Variants in FCSK observed in about 807,000 individuals in gnomAD.
The protein encoded by FCSK is fucose kinase, also known as L-fucose kinase.
FCSK carries 123 observed loss-of-function variants against 122.5 expected under a neutral mutation model. The observed-to-expected ratio is 1.00, with a 90% CI of 0.87 to 1.17. The LOEUF is 1.17. FCSK is among the 50% of genes most tolerant of loss of function. FCSK has a pLI of 0.00. For missense variants in FCSK, 1,366 were observed against 1,450.4 expected (o/e 0.94, Z 0.95); for synonymous variants, 620 against 625.5 (o/e 0.99, Z 0.13).
intron 2 of FCSK, 89 bp downstream of exon 2, chr16:70,463,361 A>T (rs192346978): frequency 2.3e-5 from 27 of 1,174,076 alleles, no homozygotes; most frequent in Non-Finnish European, 3.4e-5. Context: ...TGCCAGGCCA[A>T]CCTGGGTTCA....
chr16:70,472,682 C>T, intron 14 of FCSK, 77 bp downstream of exon 14: 18 of 1,219,416 alleles, frequency 1.5e-5, no homozygotes, highest in Non-Finnish European at 2.0e-5. Context: ...GTGTCCCTCC[C>T]CTGCCCCAGA....
At chr16:70,456,477 C>T (rs1483302628) in intron 1 of FCSK, among the ~76,000 whole-genome samples, 1 of 152,134 alleles carries the variant, frequency 6.6e-6, no homozygotes, top group African/African-American at 2.4e-5. Context: ...TTGCTTGATT[C>T]CCGAGGCCTT....
Position 70,470,387 on chromosome 16 carries a change from C to T in FCSK, c.1029C>T (p.Pro343=), listed in dbSNP as rs756361741. The change falls in exon 11 of 24, where the codon CCC becomes CCT. Residue 343 remains proline, a synonymous_variant. Transcript: ENST00000288078. ...AGTTCCTGCTCAGCCTCACACTCCC[C>T]GGGGCTCCTGGGGCCCAGATTGTGC... ...ASEFLLSLTL[P]GAPGAQIVHS... 3.5e-5 allele frequency: 56 copies of T among 1,613,598 alleles called. No homozygotes were observed. Among genetic ancestry groups the T allele is most frequent in the African/African-American group, 9.3e-5 (7 of 74,928 alleles).
Position 70,480,236 on chromosome 16 carries a change from G to C in FCSK, c.*556G>C, listed in dbSNP as rs2048952397. On this transcript the variant is annotated 3_prime_UTR_variant, in exon 24 of 24. Coordinates refer to ENST00000288078, the MANE Select transcript of FCSK (RefSeq NM_145059.3). ...GGTGCCTGTGGGAAGTGGGTTCTCA[G>C]GACTGGCATTCTTGGAATAAATTCA... 1 of 153,648 alleles carries C rather than the reference G, an allele frequency of 6.5e-6. No individual in the cohort carries two copies. Among genetic ancestry groups the C allele is most frequent in the African/African-American group, 2.4e-5 (1 of 41,436 alleles). The allele number at this position is 153,648 out of a possible 1,614,324, so 9.5% of individuals were successfully genotyped here.
intron 10 of FCSK, 40 bp downstream of exon 10, chr16:70,469,363 T>C (rs761493477): frequency 6.5e-7 from 1 of 1,535,550 alleles, no homozygotes; most frequent in African/African-American, 1.4e-5. Flanking sequence ...GGGGAGACCA[T>C]GGGAGTGAGG....
At position 70,466,917 on chromosome 16, in the gene FCSK, C is replaced by T. The variant is rs1265883639; in HGVS notation, c.447C>T (p.Cys149=). 4 of 1,613,948 alleles carry T rather than the reference C, an allele frequency of 2.5e-6. No individual in the cohort carries two copies. The highest frequency in any genetic ancestry group is 3.4e-6 in the Non-Finnish European group (4 of 1,180,028). Reference sequence around the variant, plus strand: ...GCTCCCCGCCAGGCGTGTGGGTCTGCAGCACCGACATGCTGCTGTCTGTTC... The same window carrying T: ...GCTCCCCGCCAGGCGTGTGGGTCTGTAGCACCGACATGCTGCTGTCTGTTC... ...GPGSPPGVWV[C]STDMLLSVPA... The change falls in exon 6 of 24, where the codon TGC becomes TGT. Residue 149 remains cysteine (C), a synonymous_variant. Coordinates refer to ENST00000288078, the MANE Select transcript of FCSK (RefSeq NM_145059.3).
Position 70,475,505 on chromosome 16 carries a change from C to T in FCSK, c.2521+12C>T, listed in dbSNP as rs776057019. 6.2e-7 allele frequency: 1 copy of T among 1,600,568 alleles called. No homozygotes were observed. The highest frequency in any genetic ancestry group is 1.7e-5 in the Admixed American group (1 of 59,232). ...CGGCTCTGGCCTGGGTGAGCGGGCC[C>T]TGCCTCCTGCTACCCACCGACTGTT... On this transcript the variant is annotated intron_variant, in intron 19 of 23. Coordinates refer to ENST00000288078, the MANE Select transcript of FCSK (RefSeq NM_145059.3).
intron 8 of FCSK, 90 bp downstream of exon 8, chr16:70,468,056 C>G (rs917624373): frequency 2.1e-5 from 20 of 951,598 alleles, no homozygotes; most frequent in Non-Finnish European, 3.2e-5. Flanking sequence ...TTCTAGAAGC[C>G]TCCAGGACAA....
At chr16:70,479,522 C>G in intron 23 of FCSK, 57 bp from the exon 24 acceptor site, 1 of 1,541,588 alleles carries the variant, frequency 6.5e-7, no homozygotes, top group Non-Finnish European at 8.9e-7. Context: ...CCCAGTCCAG[C>G]CTCCAGAAGG....
Position 70,471,185 on chromosome 16 carries a change from C to G in FCSK, c.1174C>G (p.Pro392Ala). Residue 392 changes from proline (P) to alanine (A), a missense_variant, in exon 13 of 24, where the codon CCC (proline) becomes GCC (alanine). Physicochemically the swap from Pro to Ala is conservative, Grantham distance 27. Coordinates refer to ENST00000288078, the MANE Select transcript of FCSK (RefSeq NM_145059.3). ...SVLQHCHLQGPIHIGAGCLVT... is the reference protein window; with the variant it reads ...SVLQHCHLQGAIHIGAGCLVT... ...TGCCTGCCCTGTCCCCCACCAGGGC[C>G]CCATTCACATAGGCGCTGGCTGCTT... 1 of 1,602,274 alleles carries G rather than the reference C, an allele frequency of 6.2e-7. No homozygotes were observed. The highest frequency in any genetic ancestry group is 8.5e-7 in the Non-Finnish European group (1 of 1,172,994).
At position 70,473,998 on chromosome 16, in the gene FCSK, G is replaced by T; in HGVS notation, c.1778-131G>T. The T allele has an allele frequency of 1.2e-6, 1 of 803,216 alleles. No homozygotes were observed. 49.8% of individuals were successfully genotyped at this position (803,216 alleles called of 1,614,324 possible). A position where few individuals can be genotyped will look rare whatever the true frequency, so the allele number is the denominator to read the frequency against. On this transcript the variant is annotated intron_variant, in intron 15 of 23. Transcript: ENST00000288078. The surrounding 1 kb of genome is among the most constrained non-coding windows in gnomAD (Gnocchi z 4.9). Reference sequence around the variant, plus strand: ...GAGCAGGAGTGCAGTTACAGTCAAAGATACATTGTGGGCAAAAGCCAGGAG... The same window carrying T: ...GAGCAGGAGTGCAGTTACAGTCAAATATACATTGTGGGCAAAAGCCAGGAG...
chr16:70,474,787 T>C lies in FCSK; in HGVS notation c.2156-3T>C, dbSNP rs773243082. On this transcript the variant is annotated splice_region_variant and splice_polypyrimidine_tract_variant and intron_variant, in intron 17 of 23. Transcript: ENST00000288078. ...CAGCTTGAGTCTTGCCACACTGCCA[T>C]AGGGGGCTGGAGTGACACGCCACCC... 18 of 1,567,652 alleles carry C rather than the reference T, an allele frequency of 1.1e-5. No individual in the cohort carries two copies. In the Middle Eastern group the frequency reaches 5.0e-4, roughly 44 times the overall value.
chr16:70,469,354 G>C (rs1238594961), intron 10 of FCSK, 31 bp downstream of exon 10: 1 of 1,541,612 alleles, frequency 6.5e-7, no homozygotes, highest in Non-Finnish European at 8.7e-7. Context: ...CCCTGGGGTG[G>C]GGAGACCATG....
rs760324729 is a variant in FCSK, at chr16:70,474,212, C to T, written c.1861C>T (p.Arg621Cys). The T allele has an allele frequency of 1.1e-5, 17 of 1,590,400 alleles. No individual in the cohort carries two copies. The highest frequency in any genetic ancestry group is 5.4e-5 in the African/African-American group (4 of 74,444). ...CGTCCTGGGCTGCATGGCAGAGGGC[C>T]GTGGGGGCTTGCGGAGCGGGCCAGC... ...ADVLGCMAEGRGGLRSGPAAN... is the reference protein window; with the variant it reads ...ADVLGCMAEGCGGLRSGPAAN... Residue 621 changes from arginine to cysteine, a missense_variant, in exon 16 of 24, where the codon CGT (arginine) becomes TGT (cysteine). By Grantham distance (180) the Arg-to-Cys change is radical (BLOSUM62 -3). Transcript: ENST00000288078.
intron 1 of FCSK, among the ~76,000 whole-genome samples, chr16:70,456,900 G>A (rs1414664667): frequency 6.6e-6 from 1 of 151,932 alleles, no homozygotes; most frequent in Non-Finnish European, 1.5e-5. Context: ...CGCGCCTGTA[G>A]TCCCAGTTAC....
rs1232476060 is a variant in FCSK, at chr16:70,463,189, G to T, written c.-2G>T. ...CTCAGGAAGCCCCTCCGCTTGGCCA[G>T]AATGGAGCAGCCGAAGGGAGTTGAT... On this transcript the variant is annotated 5_prime_UTR_variant, in exon 2 of 24. Transcript: ENST00000288078. 1 of 1,613,918 alleles carries T rather than the reference G, an allele frequency of 6.2e-7. No homozygotes were observed. The highest frequency in any genetic ancestry group is 1.7e-4 in the Middle Eastern group (1 of 6,060).
In FCSK at chr16:70,479,172, C is replaced by T. The variant is rs1478283289; in HGVS notation, c.2930-8C>T. The stretch of plus-strand genomic sequence containing the variant: ...CCAGGCACGTCACTCCCCTCTGCCC[C>T]ACCTCAGGAAGCCTGCCTCTGCTGG... On this transcript the variant is annotated splice_polypyrimidine_tract_variant and splice_region_variant and intron_variant, in intron 22 of 23. Transcript: ENST00000288078. 6 of 1,609,690 alleles carry T rather than the reference C, an allele frequency of 3.7e-6. No individual in the cohort carries two copies. The highest frequency in any genetic ancestry group is 4.2e-6 in the Non-Finnish European group (5 of 1,177,662).
chr16:70,475,057 G>T, intron 18 of FCSK, 46 bp downstream of exon 18: 1 of 1,510,252 alleles, frequency 6.6e-7, no homozygotes, highest in Non-Finnish European at 8.9e-7. Context: ...CCAGCTGGGG[G>T]CTCGGGGCAG....
chr16:70,457,757 G>GT (rs1331011044), intron 1 of FCSK, among the ~76,000 whole-genome samples: 1 of 138,210 alleles, frequency 7.2e-6, no homozygotes. Flanking sequence ...TATGTGTGTG[G>GT]TTTTTTGTTT....
Sources: gnomAD v4.1 joint callset for allele counts (sites outside exome capture counted in the v4.1 genomes callset) on GRCh38, gnomAD v4.1.1 for gene constraint, Gnocchi (gnomAD v3.1) non-coding constraint, MANE v1.5 for transcripts, NCBI Gene and HGNC (gene_info 2026-07-23, HGNC 2026-07-21) for gene names.